Variants in CDK8 observed in about 807,000 individuals in gnomAD.
The protein encoded by CDK8 is cyclin dependent kinase 8, also known as cyclin-dependent kinase 8.
Under a neutral mutation model 71.5 loss-of-function variants are expected in CDK8, and 29 were observed. That is an observed-to-expected ratio of 0.41 (90% CI 0.30 to 0.55). The LOEUF is 0.55. Ranked by LOEUF, CDK8 falls within the 20% of genes least tolerant of loss-of-function variation. The probability of loss-of-function intolerance (pLI) is 0.37; values close to 1 mark genes in which losing one functional copy is unlikely to be tolerated. For missense variants in CDK8, 288 were observed against 572.6 expected (o/e 0.50, Z 5.07); for synonymous variants, 161 against 192.1 (o/e 0.84, Z 1.34).
At chr13:26,323,332 AGAGAGAGG>A (rs1444562575) in intron 1 of CDK8, among the ~76,000 whole-genome samples, 1 of 104,378 alleles carries the variant, frequency 9.6e-6, no homozygotes, top group Non-Finnish European at 1.9e-5. Context: ...AGAGAGGGAG[AGAGAGAGG>A]GAGAGGGAGA....
chr13:26,289,768 T>A (rs901722135), intron 1 of CDK8, among the ~76,000 whole-genome samples: 2 of 152,064 alleles, frequency 1.3e-5, no homozygotes, highest in African/African-American at 4.8e-5. Flanking sequence ...GCCAGGACAG[T>A]CTCGATCTCC....
chr13:26,354,698 A>T (rs1873820540), intron 4 of CDK8, among the ~76,000 whole-genome samples: 1 of 152,300 alleles, frequency 6.6e-6, no homozygotes, highest in Non-Finnish European at 1.5e-5. Flanking sequence ...CTAATGCCTT[A>T]TGATCTGAGG....
intron 1 of CDK8, among the ~76,000 whole-genome samples, chr13:26,281,223 C>T (rs1872731330): frequency 6.6e-6 from 1 of 152,248 alleles, no homozygotes; most frequent in South Asian, 2.1e-4. Context: ...AGGACTCTCA[C>T]AGAGTCTACT....
chr13:26,312,976 T>C (rs1320843570), intron 1 of CDK8, among the ~76,000 whole-genome samples: 1 of 152,236 alleles, frequency 6.6e-6, no homozygotes, highest in Non-Finnish European at 1.5e-5. Flanking sequence ...ACTTCTTCAC[T>C]GGATATTTCT....
intron 1 of CDK8, among the ~76,000 whole-genome samples, chr13:26,255,571 T>C (rs1228234949): frequency 1.3e-5 from 2 of 152,224 alleles, no homozygotes; most frequent in East Asian, 1.9e-4. Context: ...AGTGAATTGT[T>C]CATTTTTTCT....
At chr13:26,308,591 A>G (rs747066999) in intron 1 of CDK8, among the ~76,000 whole-genome samples, 1 of 152,258 alleles carries the variant, frequency 6.6e-6, no homozygotes, top group Non-Finnish European at 1.5e-5. Context: ...TTAGTATTAC[A>G]TAAATTACCT....
At chr13:26,372,070 G>A (rs1541039) in intron 4 of CDK8, among the ~76,000 whole-genome samples, 54,675 of 152,022 alleles carry the variant, frequency 0.36, 10,057 homozygotes, top group East Asian at 0.54. Flanking sequence ...ACTCAAAAAT[G>A]TGTGTGTCTA....
intron 7 of CDK8, among the ~76,000 whole-genome samples, chr13:26,394,371 C>T (rs1374829687): frequency 6.6e-6 from 1 of 152,152 alleles, no homozygotes; most frequent in Non-Finnish European, 1.5e-5. Context: ...CTGCCTTTCT[C>T]CAAAATTGGT....
intron 6 of CDK8, among the ~76,000 whole-genome samples, chr13:26,386,665 A>G (rs1338587348): frequency 1.3e-5 from 2 of 152,094 alleles, no homozygotes; most frequent in Non-Finnish European, 2.9e-5. Flanking sequence ...TAAATTTTCT[A>G]GTTCTTGTAT....
intron 9 of CDK8, 58 bp from the exon 10 acceptor site, chr13:26,400,395 T>G: frequency 9.9e-7 from 1 of 1,012,520 alleles, no homozygotes. Flanking sequence ...TTCACATATG[T>G]GCTGAAAGAT....
intron 1 of CDK8, among the ~76,000 whole-genome samples, chr13:26,332,958 T>C (rs1872819941): frequency 6.6e-6 from 1 of 152,144 alleles, no homozygotes. Context: ...CTGAAACTTT[T>C]TGATGCCTGA....
intron 1 of CDK8, among the ~76,000 whole-genome samples, chr13:26,319,643 G>C (rs1215819852): frequency 6.7e-6 from 1 of 148,908 alleles, no homozygotes; most frequent in Non-Finnish European, 1.5e-5. Flanking sequence ...GACCCAAATT[G>C]ATTACAGATT....
At chr13:26,385,177 T>G (rs1360400302) in intron 5 of CDK8, 34 bp from the exon 6 acceptor site, 1 of 1,546,570 alleles carries the variant, frequency 6.5e-7, no homozygotes, top group African/African-American at 1.4e-5. Context: ...AAAAATCATT[T>G]ACTTAGCATG....
intron 1 of CDK8, among the ~76,000 whole-genome samples, chr13:26,265,214 T>C (rs1871970007): frequency 2.0e-5 from 3 of 152,206 alleles, no homozygotes; most frequent in Admixed American, 1.3e-4. Context: ...TGCTAGGTTC[T>C]GTGCCAGATG....
Position 26,375,319 on chromosome 13 carries a change from A to G in CDK8, c.457-7495A>G, listed in dbSNP as rs1874894651. Among the ~76,000 whole-genome samples, 3 of 152,228 alleles carry G rather than the reference A, an allele frequency of 2.0e-5. No individual in the cohort carries two copies. In the South Asian group the frequency reaches 6.2e-4, roughly 32 times the overall value. ...TTTGAAGCTTAGAAAACAAAACACG[A>G]AAATCTCTTGAAAACCCAAGGTGTA... On this transcript the variant is annotated intron_variant, in intron 4 of 12. Coordinates refer to ENST00000381527, the MANE Select transcript of CDK8 (RefSeq NM_001260.3).
At chr13:26,368,074 A>G (rs1418707823) in intron 4 of CDK8, among the ~76,000 whole-genome samples, 1 of 152,234 alleles carries the variant, frequency 6.6e-6, no homozygotes, top group African/African-American at 2.4e-5. Flanking sequence ...CCAGATGGTC[A>G]TTGGGATTGC....
chr13:26,274,513 G>A (rs950577533), intron 1 of CDK8, among the ~76,000 whole-genome samples: 4 of 151,236 alleles, frequency 2.6e-5, no homozygotes, highest in African/African-American at 9.7e-5. Context: ...CTCACTGCAA[G>A]CTCTGCCTCT....
At chr13:26,262,366 G>C (rs1050095130) in intron 1 of CDK8, among the ~76,000 whole-genome samples, 23 of 151,072 alleles carry the variant, frequency 1.5e-4, no homozygotes, top group African/African-American at 5.7e-4. Context: ...GCCAAATTTT[G>C]ACAGGTATTT....
At chr13:26,269,517 C>G (rs1007222862) in intron 1 of CDK8, among the ~76,000 whole-genome samples, 5 of 151,858 alleles carry the variant, frequency 3.3e-5, no homozygotes, top group African/African-American at 4.8e-5. Context: ...TAGCACATAC[C>G]TCTCTTACTT....
Sources: gnomAD v4.1 joint callset for allele counts (sites outside exome capture counted in the v4.1 genomes callset) on GRCh38, gnomAD v4.1.1 for gene constraint, MANE v1.5 for transcripts, NCBI Gene and HGNC (gene_info 2026-07-23, HGNC 2026-07-21) for gene names.